The following ATAD5 variants were observed in gnomAD, a reference collection of about 807,000 sequenced individuals.
ATAD5 encodes ATPase family AAA domain containing 5, also known as ATPase family AAA domain-containing protein 5.
In ATAD5, 58 loss-of-function variants were observed where a neutral mutation model predicts 176.9. The observed-to-expected ratio is 0.33, with a 90% CI of 0.27 to 0.41. The LOEUF (loss-of-function observed/expected upper bound fraction) is 0.41, where lower values mean the gene tolerates loss of function less well. Among genes scored for constraint, ATAD5 ranks in the 10% least tolerant of loss-of-function variants. The pLI is 1.00. For synonymous variants in ATAD5, 640 were observed against 712.6 expected, an observed-to-expected ratio of 0.90 and a Z score of 1.62; for missense variants, 1,789 against 2,094.1, an observed-to-expected ratio of 0.85 and a Z score of 2.84.
rs183947191 is a variant in ATAD5, at chr17:30,894,828, T to G, written c.5457-7T>G. ...TTAAATTGTATTTTTCTTTGTAATTTTGACAGATTCCTGCACTATTTTGAA... is the reference window on the plus strand; with the variant it reads ...TTAAATTGTATTTTTCTTTGTAATTGTGACAGATTCCTGCACTATTTTGAA... On this transcript the variant is annotated splice_region_variant and splice_polypyrimidine_tract_variant and intron_variant, in intron 22 of 22. Transcript: ENST00000321990. 1.7e-3 allele frequency: 2,660 copies of G among 1,580,210 alleles called. 5 individuals are homozygous for G. Among genetic ancestry groups the G allele is most frequent in the Non-Finnish European group, 2.0e-3 (2,364 of 1,169,214 alleles).
intron 6 of ATAD5, among the ~76,000 whole-genome samples, chr17:30,850,817 TTATATTTATATATTTTTATATATA>T (rs1168434648): frequency 1.6e-4 from 15 of 96,222 alleles, no homozygotes; most frequent in African/African-American, 6.5e-4. Flanking sequence ...AAATTATTAT[TTATATTTATATATTTTTATATATA>T]TATATATATA....
chr17:30,847,716 C>CTTTTTTTTTTTTTT (rs1567682169), intron 6 of ATAD5, among the ~76,000 whole-genome samples: 1 of 139,316 alleles, frequency 7.2e-6, no homozygotes. Flanking sequence ...CTGCTATGAA[C>CTTTTTTTTTTTTTT]ATTTTTTTTT....
chr17:30,884,780 C>T (rs1169444641), intron 18 of ATAD5, among the ~76,000 whole-genome samples: 3 of 137,588 alleles, frequency 2.2e-5, no homozygotes, highest in Non-Finnish European at 4.6e-5. Flanking sequence ...CAGAGTCTTG[C>T]TGTGTCGCCC....
intron 7 of ATAD5, among the ~76,000 whole-genome samples, chr17:30,856,520 C>T (rs965754141): frequency 2.0e-5 from 3 of 152,140 alleles, no homozygotes; most frequent in African/African-American, 7.2e-5. Context: ...GAGATCTCAG[C>T]TCACTGCAAC....
chr17:30,835,598 C>A lies in ATAD5; in HGVS notation c.1517C>A (p.Thr506Asn), dbSNP rs890537519. ...GGAAACACTCAAAAGAAAGAAACAA[C>A]CTTTTTCTTAAAAGAGAAACAATAT... ...REGNTQKKET[T>N]FFLKEKQYQN... Residue 506 changes from threonine to asparagine, a missense_variant, in exon 2 of 23, where the codon ACC becomes AAC. By Grantham distance (65) the Thr-to-Asn change is moderately conservative. Transcript: ENST00000321990. 3 of 1,611,818 alleles carry A rather than the reference C, an allele frequency of 1.9e-6. No individual in the cohort carries two copies. The highest frequency in any genetic ancestry group is 2.5e-6 in the Non-Finnish European group (3 of 1,178,658).
At chr17:30,884,683 C>T (rs1353149855) in intron 18 of ATAD5, among the ~76,000 whole-genome samples, 2 of 151,280 alleles carry the variant, frequency 1.3e-5, no homozygotes, top group African/African-American at 2.4e-5. Flanking sequence ...CCCGCCTCGG[C>T]CTCCCAAAAT....
chr17:30,855,366 C>G, intron 7 of ATAD5, 39 bp downstream of exon 7: 1 of 1,514,900 alleles, frequency 6.6e-7, no homozygotes, highest in Non-Finnish European at 8.9e-7. Flanking sequence ...TACTCTTCAG[C>G]TGTTAGCAGG....
intron 10 of ATAD5, among the ~76,000 whole-genome samples, chr17:30,865,196 G>A (rs867559978): frequency 2.1e-5 from 3 of 146,092 alleles, no homozygotes; most frequent in Admixed American, 6.9e-5. Context: ...TTTTTGAGAC[G>A]GAGTCTCGCT....
At chr17:30,873,028 G>C (rs1239700403) in intron 14 of ATAD5, among the ~76,000 whole-genome samples, 1 of 149,664 alleles carries the variant, frequency 6.7e-6, no homozygotes, top group African/African-American at 2.4e-5. Context: ...GTCTTGAAAA[G>C]TGTTATTTCA....
intron 18 of ATAD5, among the ~76,000 whole-genome samples, chr17:30,885,838 T>C (rs1048621402): frequency 1.3e-5 from 2 of 151,902 alleles, no homozygotes; most frequent in Non-Finnish European, 2.9e-5. Flanking sequence ...TTTTGCCATG[T>C]TGGTCAGGCT....
At chr17:30,849,224 A>G (rs1239106039) in intron 6 of ATAD5, among the ~76,000 whole-genome samples, 2 of 152,030 alleles carry the variant, frequency 1.3e-5, no homozygotes, top group African/African-American at 2.4e-5. Flanking sequence ...TTGTCTCTCC[A>G]TACACCTATT....
intron 6 of ATAD5, among the ~76,000 whole-genome samples, chr17:30,845,594 T>G (rs1488030871): frequency 6.6e-6 from 1 of 152,148 alleles, no homozygotes; most frequent in Non-Finnish European, 1.5e-5. Context: ...TGCCAGCCAA[T>G]GTAGGACCTA....
intron 18 of ATAD5, among the ~76,000 whole-genome samples, chr17:30,883,376 C>T (rs1909138063): frequency 6.6e-6 from 1 of 152,082 alleles, no homozygotes; most frequent in African/African-American, 2.4e-5. Context: ...ATACTCCTGC[C>T]TCAGCCTCCC....
At chr17:30,862,053 G>A (rs1383224545) in intron 10 of ATAD5, 2 of 149,270 alleles carry the variant, frequency 1.3e-5, no homozygotes, top group Non-Finnish European at 3.0e-5. Flanking sequence ...GTAACACAGT[G>A]TCCGGGCATA....
At chr17:30,877,609 A>G in intron 16 of ATAD5, 60 bp downstream of exon 16, 1 of 1,497,322 alleles carries the variant, frequency 6.7e-7, no homozygotes, top group East Asian at 2.3e-5. Flanking sequence ...TTTAAAGAAT[A>G]CTGTATGTTT....
chr17:30,835,454 A>T lies in ATAD5; in HGVS notation c.1373A>T (p.Asn458Ile), dbSNP rs1409413895. The T allele has an allele frequency of 6.2e-7, 1 of 1,611,772 alleles. No individual in the cohort carries two copies. Among genetic ancestry groups the T allele is most frequent in the South Asian group, 1.1e-5 (1 of 89,960 alleles). The change falls in exon 2 of 23, where the codon AAT becomes ATT. Residue 458 changes from asparagine to isoleucine, a missense_variant. By Grantham distance (149) the Asn-to-Ile change is moderately radical. Transcript: ENST00000321990. ...ENSGIQMVSK[N>I]GNLQLHTDKG... is the part of the protein sequence containing the mutation. ...TCTGGTATCCAAATGGTTTCAAAAA[A>T]TGGCAATTTACAGTTACACACTGAT...
chr17:30,880,938 A>T (rs1908974945), intron 18 of ATAD5, among the ~76,000 whole-genome samples: 1 of 152,050 alleles, frequency 6.6e-6, no homozygotes, highest in Non-Finnish European at 1.5e-5. Flanking sequence ...TACCTCCTAA[A>T]GTTCTCATGG....
At position 30,832,066 on chromosome 17, in the gene ATAD5, T is replaced by A. The variant is rs149094019; in HGVS notation, c.-282T>A. 1.3e-4 allele frequency: 49 copies of A among 382,154 alleles called. No individual in the cohort carries two copies. Among genetic ancestry groups the A allele is most frequent in the Admixed American group, 2.3e-4 (5 of 22,174 alleles). The allele number at this position is 382,154 out of a possible 1,614,324, so 23.7% of individuals were successfully genotyped here. ...GCTTTCCCTGCCCGGTCCCGAGCGCTCAGCCTGAAGCGCCGCTTTCGAGGG... is the reference window on the plus strand; with the variant it reads ...GCTTTCCCTGCCCGGTCCCGAGCGCACAGCCTGAAGCGCCGCTTTCGAGGG... On this transcript the variant is annotated 5_prime_UTR_variant, in exon 1 of 23. Transcript: ENST00000321990.
chr17:30,881,594 C>T (rs1159191677), intron 18 of ATAD5, among the ~76,000 whole-genome samples: 3 of 152,092 alleles, frequency 2.0e-5, no homozygotes, highest in Non-Finnish European at 2.9e-5. Flanking sequence ...TGAGCCACCG[C>T]GCCCGACCCT....
Sources: gnomAD v4.1 joint callset for allele counts (sites outside exome capture counted in the v4.1 genomes callset) on GRCh38, gnomAD v4.1.1 for gene constraint, MANE v1.5 for transcripts, NCBI Gene and HGNC (gene_info 2026-07-23, HGNC 2026-07-21) for gene names.